Variants in HEMK2 observed in about 807,000 individuals in gnomAD.
The protein encoded by HEMK2 is methyltransferase HEMK2.
chr21:28,592,454 C>T, the HEMK2 span, among the ~76,000 whole-genome samples: 4,500 of 152,138 alleles, frequency 0.03, 91 homozygotes, highest in Middle Eastern at 0.054. Context: ...GTAGACAATA[C>T]GTGAAAATGT....
At chr21:28,822,157 T>G in the HEMK2 span, among the ~76,000 whole-genome samples, 3 of 148,036 alleles carry the variant, frequency 2.0e-5, no homozygotes, top group Non-Finnish European at 4.5e-5. Flanking sequence ...CTCTGAAAAG[T>G]CATTTTCCTT....
chr21:28,855,090 A>C, the HEMK2 span, among the ~76,000 whole-genome samples: 1 of 152,178 alleles, frequency 6.6e-6, no homozygotes, highest in Non-Finnish European at 1.5e-5. Context: ...AAAGAAGCAG[A>C]CCCAACTGTA....
the HEMK2 span, among the ~76,000 whole-genome samples, chr21:28,679,809 A>G: frequency 6.6e-6 from 1 of 152,194 alleles, no homozygotes; most frequent in African/African-American, 2.4e-5. Context: ...TATTGGGTAC[A>G]TAACGAAATG....
chr21:28,633,341 C>T, the HEMK2 span, among the ~76,000 whole-genome samples: 2 of 152,192 alleles, frequency 1.3e-5, no homozygotes, highest in East Asian at 3.9e-4. Context: ...CTCACCTTTA[C>T]TACTGACATC....
chr21:28,878,226 T>A, the HEMK2 span: 1 of 1,598,836 alleles, frequency 6.3e-7, no homozygotes, highest in Admixed American at 1.8e-5. Flanking sequence ...CTAAATAGAA[T>A]AATCCTCTTG....
chr21:28,798,633 TG>T, the HEMK2 span, among the ~76,000 whole-genome samples: 1 of 152,126 alleles, frequency 6.6e-6, no homozygotes, highest in African/African-American at 2.4e-5. Context: ...CTGTGTTCTT[TG>T]GGGGCCTGGA....
At chr21:28,660,236 T>C in the HEMK2 span, among the ~76,000 whole-genome samples, 3 of 151,814 alleles carry the variant, frequency 2.0e-5, no homozygotes, top group African/African-American at 7.2e-5. Context: ...CTTAATATCA[T>C]CTGTGAATAA....
the HEMK2 span, among the ~76,000 whole-genome samples, chr21:28,662,424 A>C: frequency 6.6e-6 from 1 of 152,144 alleles, no homozygotes; most frequent in South Asian, 2.1e-4. Context: ...TTCACAAAGC[A>C]AAAAGGTGGC....
chr21:28,578,752 T>G, the HEMK2 span, among the ~76,000 whole-genome samples: 1 of 152,120 alleles, frequency 6.6e-6, no homozygotes, highest in Non-Finnish European at 1.5e-5. Context: ...GGGAGGAAAG[T>G]GAGGAGGGAA....
the HEMK2 span, among the ~76,000 whole-genome samples, chr21:28,684,748 T>C: frequency 6.6e-6 from 1 of 152,210 alleles, no homozygotes; most frequent in African/African-American, 2.4e-5. Flanking sequence ...CAGTGGACCA[T>C]GGGCTCACTT....
the HEMK2 span, among the ~76,000 whole-genome samples, chr21:28,614,879 G>A: frequency 2.6e-5 from 4 of 152,170 alleles, no homozygotes; most frequent in African/African-American, 9.7e-5. Flanking sequence ...TCAGAGCATT[G>A]AGTGATATTT....
chr21:28,873,414 T>C, the HEMK2 span: 1 of 152,238 alleles, frequency 6.6e-6, no homozygotes, highest in African/African-American at 2.4e-5. Context: ...ACAGTCTGTG[T>C]TTCTGTAACT....
chr21:28,765,514 C>T, the HEMK2 span, among the ~76,000 whole-genome samples: 1 of 151,984 alleles, frequency 6.6e-6, no homozygotes, highest in Non-Finnish European at 1.5e-5. Context: ...GCTTTTAGTC[C>T]TAAGAATTTT....
At chr21:28,728,671 G>T in the HEMK2 span, among the ~76,000 whole-genome samples, 1 of 152,156 alleles carries the variant, frequency 6.6e-6, no homozygotes, top group Non-Finnish European at 1.5e-5. Flanking sequence ...AATGATTTTT[G>T]AAAAATGTCT....
chr21:28,826,639 G>C, the HEMK2 span, among the ~76,000 whole-genome samples: 1 of 152,070 alleles, frequency 6.6e-6, no homozygotes. Flanking sequence ...AACAGAAAAC[G>C]TTTAACAGTA....
the HEMK2 span, among the ~76,000 whole-genome samples, chr21:28,692,995 A>T: frequency 6.6e-6 from 1 of 152,054 alleles, no homozygotes; most frequent in Non-Finnish European, 1.5e-5. Context: ...CAGCTGGAGG[A>T]GGGGGAGGAA....
chr21:28,686,263 G>A, the HEMK2 span, among the ~76,000 whole-genome samples: 1 of 151,952 alleles, frequency 6.6e-6, no homozygotes, highest in Middle Eastern at 3.2e-3. Flanking sequence ...AGATGGCGTT[G>A]TGCTCTTGTT....
At chr21:28,772,649 A>G in the HEMK2 span, among the ~76,000 whole-genome samples, 1 of 152,100 alleles carries the variant, frequency 6.6e-6, no homozygotes, top group African/African-American at 2.4e-5. Flanking sequence ...TAAGCTTGGG[A>G]TATCTTTTAT....
the HEMK2 span, among the ~76,000 whole-genome samples, chr21:28,587,453 G>C: frequency 1.3e-5 from 2 of 152,178 alleles, no homozygotes; most frequent in Non-Finnish European, 2.9e-5. Context: ...TGGTGATACA[G>C]AAAGTATGTG....
Sources: gnomAD v4.1 joint callset for allele counts (sites outside exome capture counted in the v4.1 genomes callset) on GRCh38, gnomAD v4.1.1 for gene constraint, MANE v1.5 for transcripts, NCBI Gene and HGNC (gene_info 2026-07-23, HGNC 2026-07-21) for gene names.